FBXL2: variants seen among roughly 807,000 people sequenced by gnomAD.
FBXL2 encodes F-box and leucine rich repeat protein 2, also known as F-box/LRR-repeat protein 2.
FBXL2 carries 38 observed loss-of-function variants against 69.2 expected under a neutral mutation model. The observed-to-expected ratio is 0.55, with a 90% CI of 0.42 to 0.72. FBXL2 has a LOEUF of 0.72. FBXL2 is among the 30% of genes least tolerant of loss of function. The probability of loss-of-function intolerance (pLI) is 0.00; values close to 1 mark genes in which losing one functional copy is unlikely to be tolerated. For missense variants in FBXL2, 354 were observed against 520.3 expected (o/e 0.68, Z 3.11); for synonymous variants, 192 against 201.3 (o/e 0.95, Z 0.39).
downstream of FBXL2, among the ~76,000 whole-genome samples, chr3:33,404,366 C>T (rs796151978): frequency 4.6e-5 from 7 of 151,830 alleles, no homozygotes; most frequent in Non-Finnish European, 7.4e-5. Flanking sequence ...GAGCCGAGAT[C>T]GTGCCATTGT....
At chr3:33,377,474 C>T (rs1048828045) in intron 11 of FBXL2, 141 bp downstream of exon 11, 9 of 767,802 alleles carry the variant, frequency 1.2e-5, no homozygotes, top group African/African-American at 6.9e-5. Context: ...GGGGTGTGTA[C>T]TGCAGTTTTT....
intron 2 of FBXL2, among the ~76,000 whole-genome samples, chr3:33,325,947 G>C (rs559441576): frequency 1.3e-4 from 20 of 152,196 alleles, no homozygotes; most frequent in African/African-American, 4.8e-4. Flanking sequence ...AATATAGAGA[G>C]TCAAAACCAA....
chr3:33,396,451 C>A, intron 12 of FBXL2: 1 of 520,728 alleles, frequency 1.9e-6, no homozygotes, highest in East Asian at 3.0e-5. Context: ...ACACCTCACA[C>A]CAACTATCAC....
At chr3:33,337,538 T>C (rs1466408037) in intron 2 of FBXL2, among the ~76,000 whole-genome samples, 2 of 152,206 alleles carry the variant, frequency 1.3e-5, no homozygotes, top group Non-Finnish European at 2.9e-5. Flanking sequence ...AAATTATTCA[T>C]GGAAGGATAA....
At chr3:33,323,192 T>C (rs1324457615) in intron 2 of FBXL2, among the ~76,000 whole-genome samples, 1 of 152,208 alleles carries the variant, frequency 6.6e-6, no homozygotes, top group East Asian at 1.9e-4. Context: ...CTTAATATAG[T>C]TTCATAATGT....
At chr3:33,286,616 G>A (rs2125685016) in intron 1 of FBXL2, among the ~76,000 whole-genome samples, 1 of 152,364 alleles carries the variant, frequency 6.6e-6, no homozygotes, top group African/African-American at 2.4e-5. Context: ...CTTTTGTTCA[G>A]CTGTGCCCTG....
At chr3:33,333,907 A>G (rs2039362247) in intron 2 of FBXL2, among the ~76,000 whole-genome samples, 1 of 152,132 alleles carries the variant, frequency 6.6e-6, no homozygotes, top group African/African-American at 2.4e-5. Flanking sequence ...ACCCTTCTAT[A>G]TCACTTACTA....
chr3:33,388,182 G>C (rs1342955775), downstream of FBXL2: 2 of 151,834 alleles, frequency 1.3e-5, no homozygotes, highest in African/African-American at 2.4e-5. Flanking sequence ...ATCCTCAGTT[G>C]CATCAGCTTT....
intron 2 of FBXL2, among the ~76,000 whole-genome samples, chr3:33,314,956 C>A (rs995110652): frequency 6.6e-6 from 1 of 152,148 alleles, no homozygotes; most frequent in East Asian, 1.9e-4. Context: ...GTTGTTCTTA[C>A]ATGTGAAAAT....
chr3:33,393,725 T>A (rs1417938404), intron 12 of FBXL2, among the ~76,000 whole-genome samples: 1 of 152,212 alleles, frequency 6.6e-6, no homozygotes, highest in Non-Finnish European at 1.5e-5. Context: ...GATTTGAGGT[T>A]TGAATTTTTC....
downstream of FBXL2, among the ~76,000 whole-genome samples, chr3:33,407,008 C>G (rs2044445152): frequency 6.6e-6 from 1 of 152,200 alleles, no homozygotes; most frequent in African/African-American, 2.4e-5. Context: ...CCAATTGTAA[C>G]TAGCCAAAAA....
chr3:33,304,502 T>G (rs982088955), intron 2 of FBXL2, among the ~76,000 whole-genome samples: 1 of 152,100 alleles, frequency 6.6e-6, no homozygotes, highest in African/African-American at 2.4e-5. Flanking sequence ...TCATTTTTAC[T>G]GCTGTATAAT....
chr3:33,368,336 TCA>T (rs763618670), intron 5 of FBXL2, among the ~76,000 whole-genome samples: 2 of 152,248 alleles, frequency 1.3e-5, no homozygotes, highest in Non-Finnish European at 2.9e-5. Context: ...CTATTTCTCC[TCA>T]CAGTCCTATC....
chr3:33,394,188 ATTT>A (rs879359804), intron 12 of FBXL2, among the ~76,000 whole-genome samples: 10 of 125,530 alleles, frequency 8.0e-5, no homozygotes, highest in East Asian at 5.3e-4. Flanking sequence ...TGCCTGGCTA[ATTT>A]TTATTATTAT....
At chr3:33,283,538 G>A (rs2034270466) in intron 1 of FBXL2, among the ~76,000 whole-genome samples, 1 of 152,124 alleles carries the variant, frequency 6.6e-6, no homozygotes, top group African/African-American at 2.4e-5. Context: ...GCCAGGCTTT[G>A]GTATCAGGAT....
At chr3:33,322,803 TTG>T (rs1197806723) in intron 2 of FBXL2, among the ~76,000 whole-genome samples, 2 of 152,132 alleles carry the variant, frequency 1.3e-5, no homozygotes, top group East Asian at 3.9e-4. Flanking sequence ...GTGTCATATA[TTG>T]TGTGTGTGTC....
intron 2 of FBXL2, among the ~76,000 whole-genome samples, chr3:33,318,609 A>C (rs953958440): frequency 2.6e-5 from 4 of 152,220 alleles, no homozygotes; most frequent in Admixed American, 2.6e-4. Flanking sequence ...TGGACACACT[A>C]GACAGATGTC....
At chr3:33,290,265 C>T (rs1019008158) in intron 1 of FBXL2, among the ~76,000 whole-genome samples, 3 of 152,204 alleles carry the variant, frequency 2.0e-5, no homozygotes, top group African/African-American at 7.2e-5. Flanking sequence ...ATCTCAAACC[C>T]AGCTCAACTA....
intron 2 of FBXL2, among the ~76,000 whole-genome samples, chr3:33,349,269 T>A (rs1218777389): frequency 6.6e-6 from 1 of 152,170 alleles, no homozygotes; most frequent in Non-Finnish European, 1.5e-5. Flanking sequence ...TATGTTGAGG[T>A]ATGTTCCTTC....
Sources: allele counts gnomAD v4.1 joint callset (sites outside exome capture counted in the v4.1 genomes callset), GRCh38; gene constraint gnomAD v4.1.1; transcripts MANE v1.5; gene names NCBI Gene and HGNC (gene_info 2026-07-23, HGNC 2026-07-21).